CDH23: variants seen among roughly 807,000 people sequenced by gnomAD.
CDH23 encodes cadherin-23.
A neutral mutation model predicts 317.1 loss-of-function variants in CDH23; 189 were observed. The ratio of observed to expected loss-of-function variants is 0.60; its 90% confidence interval spans 0.53 to 0.67. The LOEUF (loss-of-function observed/expected upper bound fraction) is 0.67, where lower values mean the gene tolerates loss of function less well. Ranked by LOEUF, CDH23 falls within the 30% of genes least tolerant of loss-of-function variation. CDH23 has a pLI of 0.00. For missense variants in CDH23, 4,401 were observed against 4,592.4 expected, an observed-to-expected ratio of 0.96 and a Z score of 1.20; for synonymous variants, 1,839 against 1,876.8, an observed-to-expected ratio of 0.98 and a Z score of 0.52.
chr10:71,645,596 A>C, intron 12 of CDH23: 1 of 719,228 alleles, frequency 1.4e-6, no homozygotes, highest in Non-Finnish European at 2.6e-6. Context: ...TGGGCATCCG[A>C]CAGCACAAGG....
At chr10:71,805,730 G>A in intron 55 of CDH23, 76 bp from the exon 56 acceptor site, 2 of 1,420,298 alleles carry the variant, frequency 1.4e-6, no homozygotes, top group South Asian at 1.4e-5. Flanking sequence ...AGGAGAAAGA[G>A]CAAGGGCTCC....
In CDH23 at chr10:71,505,629, T is replaced by C. The variant is rs113790764; in HGVS notation, c.146-4453T>C. Among the ~76,000 whole-genome samples the C allele has an allele frequency of 9.7e-3, 1,472 of 152,242 alleles. 22 individuals carry two copies. Among genetic ancestry groups the C allele is most frequent in the African/African-American group, 0.034 (1,407 of 41,530 alleles). On this transcript the variant is annotated intron_variant, in intron 3 of 69. Coordinates refer to ENST00000224721, the MANE Select transcript of CDH23 (RefSeq NM_022124.6). ...AGGCTGGTGTGTGTGGAAATGTGTGTGCTGAGGGACAGAGGGCAGGGTACC... is the reference window on the plus strand; with the variant it reads ...AGGCTGGTGTGTGTGGAAATGTGTGCGCTGAGGGACAGAGGGCAGGGTACC...
At chr10:71,484,109 T>C (rs1852216555) in intron 3 of CDH23, among the ~76,000 whole-genome samples, 1 of 152,206 alleles carries the variant, frequency 6.6e-6, no homozygotes. Context: ...GGGTGAGGGC[T>C]TGAGGCATGG....
intron 3 of CDH23, among the ~76,000 whole-genome samples, chr10:71,501,177 A>G (rs1478762160): frequency 6.6e-6 from 1 of 152,214 alleles, no homozygotes; most frequent in Non-Finnish European, 1.5e-5. Context: ...CCTGAGCCTC[A>G]GTTTTCCTAC....
At chr10:71,629,080 G>A (rs568305413) in intron 11 of CDH23, among the ~76,000 whole-genome samples, 41 of 152,336 alleles carry the variant, frequency 2.7e-4, no homozygotes, top group African/African-American at 8.9e-4. Flanking sequence ...GGATGTGCAC[G>A]TTGAGTGGGA....
intron 3 of CDH23, among the ~76,000 whole-genome samples, chr10:71,463,882 A>C (rs1298094226): frequency 6.6e-6 from 1 of 152,252 alleles, no homozygotes. Flanking sequence ...TTTGTAAGGA[A>C]GGTGTAGATG....
Position 71,815,081 on chromosome 10 carries a change from G to A in CDH23, c.9868G>A (p.Gly3290Ser), listed in dbSNP as rs1355275182. 6.2e-7 allele frequency: 1 copy of A among 1,611,450 alleles called. No homozygotes were observed. The highest frequency in any genetic ancestry group is 1.1e-5 in the South Asian group (1 of 90,726). The change falls in exon 70 of 70, where the codon GGC (glycine) becomes AGC (serine). Residue 3290 changes from glycine (G) to serine (S), a missense_variant. Transcript: ENST00000224721. ...DGIHVVHGST[G>S]TLLATDLNSL... ...GATCCATGTGGTGCACGGCAGCACG[G>A]GCACGCTGCTGGCCACCGACCTCAA... is the stretch of plus-strand genomic sequence containing the variant.
chr10:71,784,782 C>T (rs1841052156), intron 42 of CDH23, 109 bp from the exon 43 acceptor site: 2 of 806,692 alleles, frequency 2.5e-6, no homozygotes, highest in Admixed American at 2.0e-5. Flanking sequence ...CCATGACCAA[C>T]TGCACCCTCC....
chr10:71,552,775 C>T (rs1856669404), intron 6 of CDH23, among the ~76,000 whole-genome samples: 1 of 152,048 alleles, frequency 6.6e-6, no homozygotes, highest in South Asian at 2.1e-4. Context: ...CACAGGGGAC[C>T]CTGGTCCAGG....
intron 18 of CDH23, 74 bp from the exon 19 acceptor site, chr10:71,687,573 G>A (rs2132694509): frequency 7.3e-7 from 1 of 1,367,478 alleles, no homozygotes; most frequent in South Asian, 1.2e-5. Context: ...TGACTCCTTG[G>A]TGCCCACCTT....
chr10:71,514,945 G>C (rs1589153648), intron 6 of CDH23, among the ~76,000 whole-genome samples: 1 of 152,234 alleles, frequency 6.6e-6, no homozygotes, highest in African/African-American at 2.4e-5. Flanking sequence ...TCTGTGCCCA[G>C]AGGTGCTGCT....
intron 6 of CDH23, among the ~76,000 whole-genome samples, chr10:71,559,241 T>C (rs1332997503): frequency 6.6e-6 from 1 of 152,252 alleles, no homozygotes; most frequent in Non-Finnish European, 1.5e-5. Flanking sequence ...TCTCCTCTCC[T>C]GTTCTTTTTG....
At chr10:71,575,373 G>A (rs1308677473) in intron 8 of CDH23, among the ~76,000 whole-genome samples, 2 of 152,182 alleles carry the variant, frequency 1.3e-5, no homozygotes, top group Non-Finnish European at 2.9e-5. Context: ...TTTATCGGCT[G>A]CTGAGGGGTG....
intron 1 of CDH23, among the ~76,000 whole-genome samples, chr10:71,430,277 C>T (rs1849308272): frequency 6.6e-6 from 1 of 151,274 alleles, no homozygotes; most frequent in Admixed American, 6.7e-5. Context: ...GGAGCCTCTG[C>T]TGTCTTTTTG....
At position 71,812,872 on chromosome 10, in the gene CDH23, T is replaced by C. The variant is rs1413253610; in HGVS notation, c.9615T>C (p.Ile3205=). The C allele has an allele frequency of 6.2e-7, 1 of 1,613,634 alleles. No individual in the cohort carries two copies. Among genetic ancestry groups the C allele is most frequent in the Admixed American group, 1.7e-5 (1 of 59,968 alleles). ...YDNIAKLGQI[I]REGPIKGSLL... is the part of the protein sequence containing the mutation. ...ACATTGCCAAGCTGGGCCAGATCATTCGTGAGGGGCCAATCAAGGTGAGCC... is the reference window on the plus strand; with the variant it reads ...ACATTGCCAAGCTGGGCCAGATCATCCGTGAGGGGCCAATCAAGGTGAGCC... The change falls in exon 68 of 70, where the codon ATT becomes ATC. Residue 3205 remains isoleucine (I), a synonymous_variant. Coordinates refer to ENST00000224721, the MANE Select transcript of CDH23 (RefSeq NM_022124.6).
intron 38 of CDH23, among the ~76,000 whole-genome samples, chr10:71,766,010 T>A (rs1310628006): frequency 1.3e-5 from 2 of 152,138 alleles, no homozygotes; most frequent in South Asian, 2.1e-4. Context: ...AGGAGGACAC[T>A]CGAAGGCATG....
chr10:71,780,499 C>T (rs747305361), intron 41 of CDH23, among the ~76,000 whole-genome samples: 11 of 152,138 alleles, frequency 7.2e-5, no homozygotes, highest in Non-Finnish European at 5.9e-5. Context: ...AGTGGAAAGG[C>T]ACTGAGGTTG....
Position 71,797,037 on chromosome 10 carries a change from C to T in CDH23, c.6713-67C>T. 2.2e-5 allele frequency: 22 copies of T among 979,764 alleles called. No homozygotes were observed. In the South Asian group the frequency reaches 2.9e-4, roughly 13 times the overall value. The allele number at this position is 979,764 out of a possible 1,614,324, so 60.7% of individuals were successfully genotyped here. ...GGGATTGGGAGGGTTTGGCCAGGAG[C>T]ACCCCTGGGAAGGGCAGATTTTAGG... is the stretch of plus-strand genomic sequence containing the variant. On this transcript the variant is annotated intron_variant, in intron 48 of 69. Transcript: ENST00000224721.
At chr10:71,623,067 C>T (rs7078509) in intron 11 of CDH23, 108,096 of 494,184 alleles carry the variant, frequency 0.22, 13,792 homozygotes, top group East Asian at 0.53. Context: ...CCTGGGGGGA[C>T]TGAGCTGAAG....
Sources: gnomAD v4.1 joint callset for allele counts (sites outside exome capture counted in the v4.1 genomes callset) on GRCh38, gnomAD v4.1.1 for gene constraint, MANE v1.5 for transcripts, NCBI Gene and HGNC (gene_info 2026-07-23, HGNC 2026-07-21) for gene names.